Variants in ZSWIM5 observed in about 807,000 individuals in gnomAD.
ZSWIM5 encodes zinc finger SWIM domain-containing protein 5.
ZSWIM5 carries 55 observed loss-of-function variants against 119.6 expected under a neutral mutation model. That is an observed-to-expected ratio of 0.46 (90% confidence interval 0.37 to 0.58). The LOEUF (loss-of-function observed/expected upper bound fraction) is 0.58, where lower values mean the gene tolerates loss of function less well. ZSWIM5 is among the 20% of genes least tolerant of loss of function. The probability of loss-of-function intolerance (pLI) is 0.00; values close to 1 mark genes in which losing one functional copy is unlikely to be tolerated. For synonymous variants in ZSWIM5, 537 were observed against 606.9 expected, an observed-to-expected ratio of 0.88 and a Z score of 1.69; for missense variants, 1,193 against 1,512.8, an observed-to-expected ratio of 0.79 and a Z score of 3.51.
intron 1 of ZSWIM5, among the ~76,000 whole-genome samples, chr1:45,172,517 A>G (rs1317280681): frequency 6.6e-6 from 1 of 152,158 alleles, no homozygotes; most frequent in Non-Finnish European, 1.5e-5. Context: ...TTTATTTTGC[A>G]ACATGATAAT....
chr1:45,051,973 G>A (rs1290114743), intron 4 of ZSWIM5, among the ~76,000 whole-genome samples: 1 of 150,844 alleles, frequency 6.6e-6, no homozygotes, highest in Non-Finnish European at 1.5e-5. Context: ...GATAACTTGT[G>A]ATGCCTTAAA....
chr1:45,115,426 C>T (rs866490674), intron 1 of ZSWIM5, among the ~76,000 whole-genome samples: 14 of 146,362 alleles, frequency 9.6e-5, no homozygotes, highest in African/African-American at 3.4e-4. Context: ...TCAGACGGGG[C>T]GGCCGGGCAG....
intron 1 of ZSWIM5, among the ~76,000 whole-genome samples, chr1:45,091,791 C>T (rs970810196): frequency 5.3e-5 from 8 of 152,150 alleles, no homozygotes; most frequent in African/African-American, 1.4e-4. Context: ...TCTCTGAGCC[C>T]AACTTCTCCT....
intron 1 of ZSWIM5, among the ~76,000 whole-genome samples, chr1:45,094,003 C>T (rs1645383054): frequency 6.7e-6 from 1 of 149,186 alleles, no homozygotes; most frequent in Non-Finnish European, 1.5e-5. Flanking sequence ...TGCCACTATG[C>T]CTGGCTAATT....
intron 1 of ZSWIM5, among the ~76,000 whole-genome samples, chr1:45,166,372 G>T (rs1382753626): frequency 6.6e-6 from 1 of 151,898 alleles, no homozygotes; most frequent in African/African-American, 2.4e-5. Flanking sequence ...ATACTGAATG[G>T]GTAAAAACTG....
chr1:45,107,410 G>A (rs1029020314), intron 1 of ZSWIM5, among the ~76,000 whole-genome samples: 5 of 151,882 alleles, frequency 3.3e-5, no homozygotes, highest in Non-Finnish European at 5.9e-5. Flanking sequence ...AGGCTGAGGC[G>A]GGTGGATCAT....
intron 1 of ZSWIM5, among the ~76,000 whole-genome samples, chr1:45,178,737 T>G (rs1645996114): frequency 6.6e-6 from 1 of 152,080 alleles, no homozygotes; most frequent in African/African-American, 2.4e-5. Flanking sequence ...TGAACAATCA[T>G]GTGGAATGTT....
At chr1:45,190,717 T>C (rs1646086216) in intron 1 of ZSWIM5, among the ~76,000 whole-genome samples, 1 of 152,082 alleles carries the variant, frequency 6.6e-6, no homozygotes, top group Non-Finnish European at 1.5e-5. Context: ...CAGATTGAGT[T>C]CTCTGAAAGG....
rs554998339 is a variant in ZSWIM5, at chr1:45,116,679, A to G, written c.596-28442T>C. Among the ~76,000 whole-genome samples the G allele has an allele frequency of 2.6e-4, 40 of 152,346 alleles. No individual in the cohort carries two copies. In the South Asian group the frequency reaches 8.3e-3, roughly 32 times the overall value. ...AAACAGTATAACCTCCGAAAATGAT[A>G]AGCAATTACCTTGAGGAATTAAAAA... is the stretch of plus-strand genomic sequence containing the variant. On this transcript the variant is annotated intron_variant, in intron 1 of 13. Transcript: ENST00000359600.
chr1:45,169,527 G>A (rs1192549282), intron 1 of ZSWIM5, among the ~76,000 whole-genome samples: 4 of 152,066 alleles, frequency 2.6e-5, no homozygotes, highest in Admixed American at 1.3e-4. Context: ...TAAAGCCCAT[G>A]TAATCATCAT....
intron 1 of ZSWIM5, among the ~76,000 whole-genome samples, chr1:45,121,210 CAA>C (rs901544950): frequency 3.3e-5 from 5 of 152,230 alleles, no homozygotes; most frequent in Non-Finnish European, 7.3e-5. Flanking sequence ...CTCAGCCTCC[CAA>C]AGTGTTCGGA....
intron 1 of ZSWIM5, among the ~76,000 whole-genome samples, chr1:45,108,062 T>C (rs1383326455): frequency 1.3e-5 from 2 of 152,054 alleles, no homozygotes; most frequent in Non-Finnish European, 2.9e-5. Context: ...TCCCAAAGGG[T>C]TGGGATTAAT....
chr1:45,199,111 G>C (rs1646142872), intron 1 of ZSWIM5, among the ~76,000 whole-genome samples: 1 of 151,894 alleles, frequency 6.6e-6, no homozygotes, highest in African/African-American at 2.4e-5. Context: ...CCATATACTT[G>C]TCAGCATTTG....
chr1:45,066,368 G>A (rs534177795), intron 2 of ZSWIM5, among the ~76,000 whole-genome samples: 13 of 152,186 alleles, frequency 8.5e-5, no homozygotes, highest in Admixed American at 2.0e-4. Flanking sequence ...AAGCAGATAC[G>A]GAGCTTATAG....
At chr1:45,168,493 AT>A (rs1176754061) in intron 1 of ZSWIM5, among the ~76,000 whole-genome samples, 3 of 147,734 alleles carry the variant, frequency 2.0e-5, no homozygotes, top group Non-Finnish European at 4.4e-5. Flanking sequence ...ATATATATAT[AT>A]TTTTTTTAAA....
intron 5 of ZSWIM5, among the ~76,000 whole-genome samples, chr1:45,049,590 G>A (rs916525162): frequency 2.0e-5 from 3 of 152,022 alleles, no homozygotes; most frequent in Non-Finnish European, 4.4e-5. Flanking sequence ...AGGCCAAGAC[G>A]GGCAGATCAC....
At chr1:45,029,986 C>T (rs1324850722) in intron 11 of ZSWIM5, among the ~76,000 whole-genome samples, 1 of 152,096 alleles carries the variant, frequency 6.6e-6, no homozygotes, top group Non-Finnish European at 1.5e-5. Context: ...GATAGGGTCT[C>T]ACTTTCTCAT....
intron 2 of ZSWIM5, among the ~76,000 whole-genome samples, chr1:45,076,326 T>C (rs1645256351): frequency 6.6e-6 from 1 of 151,960 alleles, no homozygotes; most frequent in African/African-American, 2.4e-5. Context: ...ACCCTCAGTT[T>C]TTGTTTGTCT....
intron 1 of ZSWIM5, among the ~76,000 whole-genome samples, chr1:45,182,128 C>A (rs952661371): frequency 7.9e-5 from 12 of 152,216 alleles, no homozygotes; most frequent in African/African-American, 2.9e-4. Flanking sequence ...TTAAAAGACA[C>A]AGACTGGGCC....
Sources: gnomAD v4.1 joint callset for allele counts (sites outside exome capture counted in the v4.1 genomes callset) on GRCh38, gnomAD v4.1.1 for gene constraint, MANE v1.5 for transcripts, NCBI Gene and HGNC (gene_info 2026-07-23, HGNC 2026-07-21) for gene names.